Variants in SLX4IP observed in about 807,000 individuals in gnomAD.
SLX4IP encodes the protein SLX4 interacting protein, also known as protein SLX4IP.
In SLX4IP, 34 loss-of-function variants were observed where a neutral mutation model predicts 32.9. The ratio of observed to expected loss-of-function variants is 1.03; its 90% CI spans 0.79 to 1.38. SLX4IP has a LOEUF of 1.38. Among genes scored for constraint, SLX4IP ranks in the 40% most tolerant of loss-of-function variants. The probability of loss-of-function intolerance (pLI) is 0.00; values close to 1 mark genes in which losing one functional copy is unlikely to be tolerated. For synonymous variants in SLX4IP, 172 were observed against 171.7 expected, an observed-to-expected ratio of 1.00 and a Z score of -0.01; for missense variants, 444 against 479.0, an observed-to-expected ratio of 0.93 and a Z score of 0.68.
intron 2 of SLX4IP, among the ~76,000 whole-genome samples, chr20:10,537,365 T>TA: frequency 6.6e-6 from 1 of 152,208 alleles, no homozygotes. Flanking sequence ...GGGAAGAAGG[T>TA]AAATACTCCA....
At chr20:10,512,822 AGTT>A (rs1555810584) in intron 2 of SLX4IP, among the ~76,000 whole-genome samples, 4 of 102,496 alleles carry the variant, frequency 3.9e-5, no homozygotes, top group South Asian at 3.0e-4. Context: ...ATATATATAT[AGTT>A]GTTGTTGTTA....
intron 4 of SLX4IP, among the ~76,000 whole-genome samples, chr20:10,568,108 C>T (rs183924337): frequency 5.5e-4 from 84 of 152,298 alleles, no homozygotes; most frequent in African/African-American, 1.9e-3. Flanking sequence ...TGCACCAGGC[C>T]ATTGTACATT....
intron 2 of SLX4IP, among the ~76,000 whole-genome samples, chr20:10,473,670 A>ACGGC (rs1200246705): frequency 1.7e-4 from 26 of 151,072 alleles, no homozygotes; most frequent in African/African-American, 6.3e-4. Flanking sequence ...TGGTGTAATC[A>ACGGC]CGGCTCACTG....
chr20:10,478,587 T>G (rs1447171806), intron 2 of SLX4IP, among the ~76,000 whole-genome samples: 2 of 152,358 alleles, frequency 1.3e-5, no homozygotes, highest in East Asian at 3.9e-4. Context: ...AACATTTTAT[T>G]AATATTAACT....
intron 2 of SLX4IP, among the ~76,000 whole-genome samples, chr20:10,468,309 CTG>C (rs1167158321): frequency 6.6e-6 from 1 of 152,182 alleles, no homozygotes; most frequent in Admixed American, 6.5e-5. Context: ...CTGAGGACCT[CTG>C]TGCCTCTCTT....
chr20:10,482,195 G>A (rs911643396), intron 2 of SLX4IP, among the ~76,000 whole-genome samples: 10 of 152,124 alleles, frequency 6.6e-5, no homozygotes, highest in African/African-American at 2.2e-4. Context: ...TTGGGTTCTC[G>A]ATTGATTGAT....
intron 4 of SLX4IP, among the ~76,000 whole-genome samples, chr20:10,579,251 A>AG (rs1442559946): frequency 1.3e-5 from 2 of 152,118 alleles, no homozygotes; most frequent in African/African-American, 4.8e-5. Flanking sequence ...GACATGAGTT[A>AG]GGGGTCCAAC....
At chr20:10,490,457 T>A (rs1390890361) in intron 2 of SLX4IP, among the ~76,000 whole-genome samples, 1 of 151,954 alleles carries the variant, frequency 6.6e-6, no homozygotes, top group Non-Finnish European at 1.5e-5. Flanking sequence ...AAATAAGTCA[T>A]CCCCTCCCAC....
intron 6 of SLX4IP, among the ~76,000 whole-genome samples, chr20:10,612,388 C>T (rs2066976948): frequency 6.6e-6 from 1 of 152,138 alleles, no homozygotes; most frequent in South Asian, 2.1e-4. Flanking sequence ...ACTCGTGTGC[C>T]AGGAGCCTCA....
chr20:10,515,183 C>A (rs1045538342), intron 2 of SLX4IP, among the ~76,000 whole-genome samples: 22 of 133,926 alleles, frequency 1.6e-4, no homozygotes, highest in African/African-American at 5.7e-4. Context: ...CTCTTGAGTT[C>A]AACCTGTTCT....
chr20:10,523,925 A>T (rs1315506394), intron 2 of SLX4IP, among the ~76,000 whole-genome samples: 6 of 152,248 alleles, frequency 3.9e-5, no homozygotes, highest in Admixed American at 2.6e-4. Context: ...TATCATTTTT[A>T]AAAAATGAAT....
intron 6 of SLX4IP, chr20:10,613,630 C>A: frequency 6.2e-7 from 1 of 1,614,022 alleles, no homozygotes; most frequent in Non-Finnish European, 8.5e-7. Flanking sequence ...GCTTCTTTGG[C>A]CTCTTCCTGA....
chr20:10,469,437 T>A (rs2065405910), intron 2 of SLX4IP, among the ~76,000 whole-genome samples: 1 of 152,212 alleles, frequency 6.6e-6, no homozygotes, highest in African/African-American at 2.4e-5. Context: ...TGACAATCCA[T>A]AGAATTTGCT....
intron 2 of SLX4IP, among the ~76,000 whole-genome samples, chr20:10,486,601 C>T (rs868363990): frequency 2.6e-5 from 4 of 151,956 alleles, no homozygotes; most frequent in African/African-American, 9.7e-5. Flanking sequence ...TAGGTTGGGA[C>T]AAATTTGCAA....
intron 2 of SLX4IP, among the ~76,000 whole-genome samples, chr20:10,516,543 G>A (rs918240856): frequency 2.0e-5 from 3 of 152,162 alleles, no homozygotes; most frequent in Admixed American, 6.5e-5. Context: ...CTTCTAAGAC[G>A]TATGCTTGTT....
chr20:10,619,074 T>C (rs1283467341), intron 6 of SLX4IP, among the ~76,000 whole-genome samples: 1 of 152,166 alleles, frequency 6.6e-6, no homozygotes, highest in East Asian at 1.9e-4. Context: ...GGGAGTCTAA[T>C]CTTTTTTTTC....
At chr20:10,605,735 A>G (rs543004150) in intron 6 of SLX4IP, among the ~76,000 whole-genome samples, 1 of 152,196 alleles carries the variant, frequency 6.6e-6, no homozygotes, top group Admixed American at 6.5e-5. Context: ...AAGACTCTGC[A>G]GACGTAGGCC....
At chr20:10,561,283 A>G in intron 4 of SLX4IP, among the ~76,000 whole-genome samples, 1 of 152,148 alleles carries the variant, frequency 6.6e-6, no homozygotes, top group African/African-American at 2.4e-5. Context: ...CAATAAATTA[A>G]TGTTAACCAT....
chr20:10,582,361 C>A (rs527491115), intron 4 of SLX4IP, among the ~76,000 whole-genome samples: 1 of 152,084 alleles, frequency 6.6e-6, no homozygotes, highest in Non-Finnish European at 1.5e-5. Flanking sequence ...ATTTTGTTTG[C>A]GTTACATATG....
Sources: gnomAD v4.1 joint callset for allele counts (sites outside exome capture counted in the v4.1 genomes callset) on GRCh38, gnomAD v4.1.1 for gene constraint, MANE v1.5 for transcripts, NCBI Gene and HGNC (gene_info 2026-07-23, HGNC 2026-07-21) for gene names.